AKAP10: variants seen among roughly 807,000 people sequenced by gnomAD.
The protein encoded by AKAP10 is A-kinase anchoring protein 10, also known as A-kinase anchor protein 10, mitochondrial.
A neutral mutation model predicts 80.8 loss-of-function variants in AKAP10; 24 were observed. That is an observed-to-expected ratio of 0.30 (90% CI 0.22 to 0.42). AKAP10 has a LOEUF of 0.42. Among genes scored for constraint, AKAP10 ranks in the 10% least tolerant of loss-of-function variants. The probability of loss-of-function intolerance (pLI) is 1.00; values close to 1 mark genes in which losing one functional copy is unlikely to be tolerated. For missense variants in AKAP10, 661 were observed against 794.9 expected, an observed-to-expected ratio of 0.83 and a Z score of 2.03; for synonymous variants, 291 against 277.7, an observed-to-expected ratio of 1.05 and a Z score of -0.48.
chr17:19,977,004 G>C (rs1462749181), intron 1 of AKAP10, among the ~76,000 whole-genome samples: 1 of 152,186 alleles, frequency 6.6e-6, no homozygotes, highest in African/African-American at 2.4e-5. Flanking sequence ...AAAAATGTAA[G>C]TAGTTCGTTT....
chr17:19,956,428 T>C (rs1253959024), intron 4 of AKAP10, among the ~76,000 whole-genome samples: 5 of 152,096 alleles, frequency 3.3e-5, no homozygotes, highest in East Asian at 3.9e-4. Context: ...AAACTGTAGA[T>C]AGCAGAATTA....
At chr17:19,975,851 T>C (rs7222403) in intron 1 of AKAP10, among the ~76,000 whole-genome samples, 68,147 of 151,798 alleles carry the variant, frequency 0.45, 15,986 homozygotes, top group African/African-American at 0.59. Context: ...TCTTAGAATG[T>C]TTTCCCCCCT....
chr17:19,933,755 A>T (rs1183045608), intron 9 of AKAP10, among the ~76,000 whole-genome samples: 1 of 152,110 alleles, frequency 6.6e-6, no homozygotes, highest in African/African-American at 2.4e-5. Flanking sequence ...TTCAGTTTTT[A>T]TGTATGGTAT....
At position 19,958,303 on chromosome 17, in the gene AKAP10, C is replaced by T. The variant is rs532694381; in HGVS notation, c.588G>A (p.Ala196=). The T allele has an allele frequency of 1.5e-5, 24 of 1,614,182 alleles. No homozygotes were observed. Among genetic ancestry groups the T allele is most frequent in the African/African-American group, 2.7e-5 (2 of 75,058 alleles). ...TATCAAGAGAATCAGTTAAAAAAGA[C>T]GCTGTAGTTTCATGCTTTTTAGATG... ...VSPSKKHETT[A]SFLTDSLDKR... The change falls in exon 4 of 15, where the codon GCG becomes GCA. Residue 196 remains alanine, a synonymous_variant. Transcript: ENST00000225737.
At position 19,968,478 on chromosome 17, in the gene AKAP10, T is replaced by C. The variant is rs748014627; in HGVS notation, c.89-17A>G. The C allele has an allele frequency of 1.2e-6, 2 of 1,610,240 alleles. No homozygotes were observed. Among genetic ancestry groups the C allele is most frequent in the South Asian group, 1.1e-5 (1 of 90,778 alleles). On this transcript the variant is annotated splice_polypyrimidine_tract_variant and intron_variant, in intron 1 of 14. Coordinates refer to ENST00000225737, the MANE Select transcript of AKAP10 (RefSeq NM_007202.4). ...TGCCTTTCACTAGAACATAAAAAGA[T>C]AATTATGACCAACTTTTGCAGTCAG...
At chr17:19,947,372 A>T (rs1567766874) in intron 5 of AKAP10, 35 bp downstream of exon 5, 6 of 1,295,936 alleles carry the variant, frequency 4.6e-6, no homozygotes, top group South Asian at 1.4e-5. Flanking sequence ...ATTTTTTGTC[A>T]TTTTTTTTTT....
intron 2 of AKAP10, among the ~76,000 whole-genome samples, chr17:19,966,102 T>A (rs528564333): frequency 3.9e-5 from 6 of 152,240 alleles, no homozygotes; most frequent in African/African-American, 1.4e-4. Flanking sequence ...TAAAATAACA[T>A]ATATAACATA....
chr17:19,939,624 C>G (rs142725027), intron 8 of AKAP10, 89 bp downstream of exon 8: 1 of 1,467,598 alleles, frequency 6.8e-7, no homozygotes, highest in East Asian at 2.3e-5. Flanking sequence ...TCCTTGACAA[C>G]AGAGACTGAG....
At chr17:19,941,803 T>C in intron 6 of AKAP10, 23 bp downstream of exon 6, 2 of 1,521,480 alleles carry the variant, frequency 1.3e-6, no homozygotes, top group Non-Finnish European at 1.8e-6. Flanking sequence ...GGATGCACAA[T>C]GTGAAAATAT....
At chr17:19,957,194 A>G (rs969570218) in intron 4 of AKAP10, among the ~76,000 whole-genome samples, 5 of 152,172 alleles carry the variant, frequency 3.3e-5, no homozygotes, top group African/African-American at 1.2e-4. Flanking sequence ...CATTTACTGT[A>G]CAACCTAGAG....
chr17:19,963,083 A>G, intron 2 of AKAP10, 61 bp from the exon 3 acceptor site: 1 of 1,386,728 alleles, frequency 7.2e-7, no homozygotes, highest in Non-Finnish European at 9.7e-7. Context: ...AAACTCTCAT[A>G]AAGGGGCTTT....
intron 10 of AKAP10, among the ~76,000 whole-genome samples, chr17:19,931,137 A>G (rs1053278264): frequency 6.6e-6 from 1 of 152,158 alleles, no homozygotes; most frequent in Non-Finnish European, 1.5e-5. Flanking sequence ...CTGTCTCAAG[A>G]AAAGAAAAAA....
intron 3 of AKAP10, among the ~76,000 whole-genome samples, chr17:19,961,357 GA>G (rs900540591): frequency 2.5e-4 from 34 of 133,746 alleles, no homozygotes; most frequent in Admixed American, 3.0e-4. Context: ...GTCTCAAAAA[GA>G]AAAAAAAAAA....
At chr17:19,938,958 C>A (rs1218567477) in intron 8 of AKAP10, among the ~76,000 whole-genome samples, 1 of 152,086 alleles carries the variant, frequency 6.6e-6, no homozygotes, top group East Asian at 1.9e-4. Context: ...TCTCAAATTC[C>A]TGGGCTCAAG....
At chr17:19,913,111 G>A (rs2042708197) in intron 12 of AKAP10, among the ~76,000 whole-genome samples, 1 of 150,876 alleles carries the variant, frequency 6.6e-6, no homozygotes, top group Admixed American at 6.6e-5. Context: ...CCTAGTAGCT[G>A]GGATTACAGG....
chr17:19,918,174 C>T (rs1025799870), intron 12 of AKAP10, among the ~76,000 whole-genome samples: 18 of 149,324 alleles, frequency 1.2e-4, no homozygotes, highest in African/African-American at 4.2e-4. Flanking sequence ...GAGCTGAGAT[C>T]GCACCATTGC....
intron 14 of AKAP10, 127 bp from the exon 15 acceptor site, chr17:19,906,359 C>T (rs2042631815): frequency 1.3e-5 from 13 of 998,122 alleles, no homozygotes; most frequent in South Asian, 3.2e-5. Flanking sequence ...CAGCCAGAAG[C>T]TGACTACAAT....
intron 5 of AKAP10, among the ~76,000 whole-genome samples, chr17:19,942,364 T>C (rs1331069176): frequency 6.6e-6 from 1 of 151,770 alleles, no homozygotes; most frequent in Non-Finnish European, 1.5e-5. Flanking sequence ...TCAAATAGAT[T>C]AGAATAAGGA....
At chr17:19,910,990 T>A (rs979120890) in intron 12 of AKAP10, among the ~76,000 whole-genome samples, 1 of 152,354 alleles carries the variant, frequency 6.6e-6, no homozygotes, top group African/African-American at 2.4e-5. Context: ...TTCCTAACTT[T>A]GCTTTAAAAC....
Sources: gnomAD v4.1 joint callset for allele counts (sites outside exome capture counted in the v4.1 genomes callset) on GRCh38, gnomAD v4.1.1 for gene constraint, MANE v1.5 for transcripts, NCBI Gene and HGNC (gene_info 2026-07-23, HGNC 2026-07-21) for gene names.